ZNF75A: variants seen among roughly 807,000 people sequenced by gnomAD.
The protein encoded by ZNF75A is zinc finger protein 75A.
Under a neutral mutation model 46.3 loss-of-function variants are expected in ZNF75A, and 36 were observed. That is an observed-to-expected ratio of 0.78 (90% CI 0.60 to 1.03). The LOEUF (loss-of-function observed/expected upper bound fraction) is 1.03, where lower values mean the gene tolerates loss of function less well. Among genes scored for constraint, ZNF75A ranks in the 50% least tolerant of loss-of-function variants. The pLI, the probability that ZNF75A is intolerant of heterozygous loss-of-function variation, is 0.00. For synonymous variants in ZNF75A, 234 were observed against 189.9 expected (o/e 1.23, Z -1.91); for missense variants, 595 against 551.3 (o/e 1.08, Z -0.79).
At chr16:3,322,840 G>T (rs1237915094), downstream of ZNF75A, 4 of 914,652 alleles carry the variant, frequency 4.4e-6, no homozygotes, top group Non-Finnish European at 5.2e-6. Context: ...CCCTGGGCTT[G>T]GTCGACTGCT....
At position 3,317,935 on chromosome 16, in the gene ZNF75A, A is replaced by G. The variant is rs186369703; in HGVS notation, c.*66A>G. 6 of 1,501,356 alleles carry G rather than the reference A, an allele frequency of 4.0e-6. No individual in the cohort carries two copies. The Admixed American group carries it at 7.1e-5, about 18-fold the overall frequency. 93.0% of individuals were successfully genotyped at this position (1,501,356 alleles called of 1,614,324 possible). On this transcript the variant is annotated 3_prime_UTR_variant, in exon 7 of 7. Coordinates refer to ENST00000669516, the MANE Select transcript of ZNF75A (RefSeq NM_001302109.2). Reference sequence around the variant, plus strand: ...CAAATGGAGCTTGGCACTAAAATTTATGTAAAAGAAAAATCACAAACCTTG... The same window carrying G: ...CAAATGGAGCTTGGCACTAAAATTTGTGTAAAAGAAAAATCACAAACCTTG...
intron 3 of ZNF75A, 24 bp from the exon 4 acceptor site, chr16:3,312,653 C>T: frequency 1.0e-6 from 1 of 970,904 alleles, no homozygotes; most frequent in South Asian, 4.5e-5. Context: ...AAAGAGATTT[C>T]TTCTGGCTCT....
chr16:3,323,230 A>G, downstream of ZNF75A: 11 of 761,560 alleles, frequency 1.4e-5, no homozygotes, highest in South Asian at 1.5e-4. Flanking sequence ...TCACCCCAAT[A>G]GCCAGATGTG....
At chr16:3,314,457 C>T (rs1038856148) in intron 5 of ZNF75A, among the ~76,000 whole-genome samples, 1 of 152,172 alleles carries the variant, frequency 6.6e-6, no homozygotes, top group Non-Finnish European at 1.5e-5. Context: ...CTGCCTTTCC[C>T]TGCTGCCCAA....
downstream of ZNF75A, among the ~76,000 whole-genome samples, chr16:3,322,172 C>T (rs1032186421): frequency 6.6e-6 from 1 of 152,196 alleles, no homozygotes; most frequent in African/African-American, 2.4e-5. Flanking sequence ...GAAGTCCCCT[C>T]AAGTGGGAAA....
chr16:3,311,367 G>T (rs1022111997), intron 2 of ZNF75A, among the ~76,000 whole-genome samples: 2 of 151,992 alleles, frequency 1.3e-5, no homozygotes, highest in East Asian at 3.9e-4. Context: ...GAACCCAGGA[G>T]GCAGAGGTAG....
intron 2 of ZNF75A, chr16:3,309,464 A>G (rs1177612494): frequency 2.0e-5 from 3 of 147,546 alleles, no homozygotes; most frequent in Non-Finnish European, 4.4e-5. Context: ...AAAAAAAAAA[A>G]ACAAAAAAAA....
In ZNF75A at chr16:3,313,190, T is replaced by G; in HGVS notation, c.823+15T>G. 1 of 1,612,232 alleles carries G rather than the reference T, an allele frequency of 6.2e-7. No individual in the cohort carries two copies. The highest frequency in any genetic ancestry group is 8.5e-7 in the Non-Finnish European group (1 of 1,179,166). ...CATCTCTCTAGGTAAAGATTTTCCC[T>G]TCCCTTTATGTAGTTGAGTACTCTA... On this transcript the variant is annotated intron_variant, in intron 5 of 6. Transcript: ENST00000669516.
chr16:3,314,772 C>T (rs1337488685), intron 5 of ZNF75A: 1 of 985,274 alleles, frequency 1.0e-6, no homozygotes, highest in Non-Finnish European at 1.2e-6. Flanking sequence ...AAGAAGTGGC[C>T]ATATATTTTT....
Position 3,317,385 on chromosome 16 carries a change from A to G in ZNF75A, c.1130A>G (p.Lys377Arg). 6.2e-7 allele frequency: 1 copy of G among 1,614,156 alleles called. No individual in the cohort carries two copies. The highest frequency in any genetic ancestry group is 8.5e-7 in the Non-Finnish European group (1 of 1,179,994). The change falls in exon 7 of 7, where the codon AAA (lysine) becomes AGA (arginine). Residue 377 changes from lysine to arginine, a missense_variant. Lys to Arg is a conservative substitution (Grantham distance 26). Transcript: ENST00000669516. ...GATTTTCCAGTGAAGAAAAGAAAGAAACTTTCAACCTGGAAACAAGAGCTG... is the reference window on the plus strand; with the variant it reads ...GATTTTCCAGTGAAGAAAAGAAAGAGACTTTCAACCTGGAAACAAGAGCTG... The part of the protein sequence containing the change: ...HQDFPVKKRK[K>R]LSTWKQELLK...
At chr16:3,311,700 C>A in intron 2 of ZNF75A, 53 bp from the exon 3 acceptor site, 1 of 985,596 alleles carries the variant, frequency 1.0e-6, no homozygotes, top group Non-Finnish European at 1.2e-6. Flanking sequence ...CTGCCTCCAC[C>A]CCCACAAACC....
At chr16:3,314,450 C>T (rs1485005937) in intron 5 of ZNF75A, among the ~76,000 whole-genome samples, 2 of 152,142 alleles carry the variant, frequency 1.3e-5, no homozygotes, top group Non-Finnish European at 2.9e-5. Flanking sequence ...ACCTTATCTG[C>T]CTTTCCCTGC....
chr16:3,308,584 G>A lies in ZNF75A; in HGVS notation c.156G>A (p.Arg52=). 1 of 985,978 alleles carries A rather than the reference G, an allele frequency of 1.0e-6. No individual in the cohort carries two copies. The highest frequency in any genetic ancestry group is 1.2e-6 in the Non-Finnish European group (1 of 829,988). The allele number at this position is 985,978 out of a possible 1,614,324, so 61.1% of individuals were successfully genotyped here. A position where few individuals can be genotyped will look rare whatever the true frequency, so the allele number is the denominator to read the frequency against. ...CTAAGAGCTCTTGCTGGCACTTCCG[G>A]AATTTCACCTATGATGAAGCAGGTG... is the stretch of plus-strand genomic sequence containing the variant. ...LDPKSSCWHF[R]NFTYDEAGGP... Residue 52 remains arginine, a synonymous_variant, in exon 2 of 7, where the codon CGG becomes CGA. Coordinates refer to ENST00000669516, the MANE Select transcript of ZNF75A (RefSeq NM_001302109.2).
downstream of ZNF75A, among the ~76,000 whole-genome samples, chr16:3,319,154 C>T (rs1188787144): frequency 6.6e-6 from 1 of 152,134 alleles, no homozygotes; most frequent in Non-Finnish European, 1.5e-5. Context: ...GCTCTTGTCA[C>T]TCAGGCTGGA....
intron 1 of ZNF75A, chr16:3,307,987 T>G (rs908353056): frequency 6.6e-6 from 1 of 152,230 alleles, no homozygotes; most frequent in Admixed American, 6.5e-5. Flanking sequence ...TCTTTTCTTA[T>G]GGGGAAGATG....
At chr16:3,305,733 G>A (rs1960148248) in intron 1 of ZNF75A, 90 bp downstream of exon 1, 1 of 152,274 alleles carries the variant, frequency 6.6e-6, no homozygotes. Flanking sequence ...TCCGTAGGCG[G>A]TGGCCGCGGC....
At chr16:3,320,656 C>T (rs1194190118), downstream of ZNF75A, among the ~76,000 whole-genome samples, 7 of 152,176 alleles carry the variant, frequency 4.6e-5, no homozygotes, top group South Asian at 2.1e-4. Flanking sequence ...TCTCCCTGCG[C>T]GTTGCCTCAT....
rs1960474947 is a variant in ZNF75A at position 3,308,727 on chromosome 16, T to G, written c.299T>G (p.Leu100Arg). 6 of 991,856 alleles carry G rather than the reference T, an allele frequency of 6.0e-6. No individual in the cohort carries two copies. The highest frequency in any genetic ancestry group is 7.2e-6 in the Non-Finnish European group (6 of 832,824). 61.4% of individuals were successfully genotyped at this position (991,856 alleles called of 1,614,324 possible). ...GTGCTGGAGCAGTTCCTGACTATTC[T>G]GCCCAGGGAGACACAGACCCAGATG... ...LLVLEQFLTI[L>R]PRETQTQMQK... is the part of the protein sequence containing the mutation. Residue 100 changes from leucine to arginine, a missense_variant, in exon 2 of 7, where the codon CTG becomes CGG. By Grantham distance (102) the Leu-to-Arg change is moderately radical (BLOSUM62 -2). Transcript: ENST00000669516.
chr16:3,312,644 AAG>A (rs1410800542), intron 3 of ZNF75A, 31 bp from the exon 4 acceptor site: 7 of 943,164 alleles, frequency 7.4e-6, no homozygotes, highest in Non-Finnish European at 8.9e-6. Flanking sequence ...TTATAGATAA[AAG>A]AGATTTCTTC....
Sources: allele counts gnomAD v4.1 joint callset (sites outside exome capture counted in the v4.1 genomes callset), GRCh38; gene constraint gnomAD v4.1.1; transcripts MANE v1.5; gene names NCBI Gene and HGNC (gene_info 2026-07-23, HGNC 2026-07-21).